Variants in ADRA1A observed in about 807,000 individuals in gnomAD.
ADRA1A encodes adrenoceptor alpha 1A.
In ADRA1A, 31 loss-of-function variants were observed where a neutral mutation model predicts 29.6. The observed-to-expected ratio is 1.05, with a 90% CI of 0.79 to 1.41. The LOEUF (loss-of-function observed/expected upper bound fraction) is 1.41. ADRA1A is among the 40% of genes most tolerant of loss of function. The probability of loss-of-function intolerance (pLI) is 0.00; values close to 1 mark genes in which losing one functional copy is unlikely to be tolerated. For missense variants in ADRA1A, 619 were observed against 601.1 expected (o/e 1.03, Z -0.31); for synonymous variants, 311 against 254.3 (o/e 1.22, Z -2.12).
rs1585858022 is a variant in ADRA1A at position 26,860,190 on chromosome 8, C to T, written c.883+3897G>A. On this transcript the variant is annotated intron_variant, in intron 2 of 2. Transcript: ENST00000380573. This position sits in a 1 kb window ranked among gnomAD's most constrained non-coding sequence, Gnocchi z 4.7. ...CTGGGAGAGCAAATCCAAGAGCGGG[C>T]TATGACTAGTCAGAGCATCCACCTC... Among the ~76,000 whole-genome samples, 4 of 152,118 alleles carry T rather than the reference C, an allele frequency of 2.6e-5. No homozygotes were observed. In the South Asian group the frequency reaches 8.3e-4, roughly 32 times the overall value.
At chr8:26,810,211 T>C (rs1350278288) in intron 2 of ADRA1A, among the ~76,000 whole-genome samples, 1 of 152,232 alleles carries the variant, frequency 6.6e-6, no homozygotes, top group Non-Finnish European at 1.5e-5. Flanking sequence ...TACAAAAGGG[T>C]CACCATTCAA....
At chr8:26,752,524 A>G (rs1338198803), downstream of ADRA1A, among the ~76,000 whole-genome samples, 1 of 152,232 alleles carries the variant, frequency 6.6e-6, no homozygotes, top group Non-Finnish European at 1.5e-5. Flanking sequence ...GCAAGCTTCA[A>G]GCTTGCTTAT....
At chr8:26,759,286 G>A (rs60508256) in intron 2 of ADRA1A, among the ~76,000 whole-genome samples, 3,737 of 152,266 alleles carry the variant, frequency 0.025, 73 homozygotes, top group Admixed American at 0.06. Context: ...AGAGGAAGAC[G>A]GGGCCAGATA....
chr8:26,765,872 C>A (rs908071265), downstream of ADRA1A: 2 of 1,408,454 alleles, frequency 1.4e-6, no homozygotes, highest in South Asian at 1.7e-5. Flanking sequence ...AAATTGCCTG[C>A]CCAAGCAAAT....
At chr8:26,759,273 A>G (rs1805373010) in intron 2 of ADRA1A, among the ~76,000 whole-genome samples, 1 of 152,230 alleles carries the variant, frequency 6.6e-6, no homozygotes, top group South Asian at 2.1e-4. Context: ...TATGGTATTC[A>G]GAAGAGGAAG....
intron 2 of ADRA1A, among the ~76,000 whole-genome samples, chr8:26,832,514 A>C (rs992138480): frequency 6.6e-6 from 1 of 152,166 alleles, no homozygotes. Context: ...GGCAGACACA[A>C]ATCAGGTTGT....
At chr8:26,757,519 C>CG (rs918667270) in intron 2 of ADRA1A, among the ~76,000 whole-genome samples, 47 of 144,190 alleles carry the variant, frequency 3.3e-4, no homozygotes, top group Admixed American at 1.4e-3. Context: ...ATTTCCCCCA[C>CG]CCCCCACCTC....
At chr8:26,850,111 T>A (rs1008713207) in intron 2 of ADRA1A, among the ~76,000 whole-genome samples, 2 of 149,272 alleles carry the variant, frequency 1.3e-5, no homozygotes, top group Non-Finnish European at 3.0e-5. Flanking sequence ...GAGGACATCA[T>A]CATTAAAGGA....
rs1384600524 is a variant in ADRA1A, at chr8:26,860,029, A to C, written c.883+4058T>G. Among the ~76,000 whole-genome samples, 1 of 152,086 alleles carries C rather than the reference A, an allele frequency of 6.6e-6. No homozygotes were observed. The highest frequency in any genetic ancestry group is 1.5e-5 in the Non-Finnish European group (1 of 68,020). ...GTGATCCGCCTGCTCAGCCTCCCAA[A>C]GTGCTGGGATTAGAGGCATGAGCCA... is the stretch of plus-strand genomic sequence containing the variant. On this transcript the variant is annotated intron_variant, in intron 2 of 2. Coordinates refer to ENST00000380573, the MANE Select transcript of ADRA1A (RefSeq NM_000680.4). The surrounding 1 kb of genome is among the most constrained non-coding windows in gnomAD (Gnocchi z 4.7).
At chr8:26,776,912 C>G (rs1806588712) in intron 2 of ADRA1A, among the ~76,000 whole-genome samples, 1 of 152,188 alleles carries the variant, frequency 6.6e-6, no homozygotes, top group African/African-American at 2.4e-5. Context: ...AGTGGTCTCT[C>G]CGATGTGCCT....
downstream of ADRA1A, among the ~76,000 whole-genome samples, chr8:26,760,888 T>A (rs946900242): frequency 2.6e-5 from 4 of 152,196 alleles, no homozygotes; most frequent in African/African-American, 4.8e-5. Context: ...ATCCTCAGGG[T>A]CATCAACTTG....
At chr8:26,807,007 A>G (rs1809045329) in intron 2 of ADRA1A, among the ~76,000 whole-genome samples, 1 of 152,218 alleles carries the variant, frequency 6.6e-6, no homozygotes, top group South Asian at 2.1e-4. Context: ...ATAAAAATAA[A>G]CATGTTCACT....
rs1412989311 is a variant in ADRA1A at position 26,847,177 on chromosome 8, A to G, written c.883+16910T>C. Reference sequence around the variant, plus strand: ...TGGCACATGTATACATATGTAACTAACCTGCACATTGTGCACATGTACCCT... The same window carrying G: ...TGGCACATGTATACATATGTAACTAGCCTGCACATTGTGCACATGTACCCT... On this transcript the variant is annotated intron_variant, in intron 2 of 2. Coordinates refer to ENST00000380573, the MANE Select transcript of ADRA1A (RefSeq NM_000680.4). 1.2e-4 allele frequency among the ~76,000 whole-genome samples: 18 copies of G among 152,228 alleles called. No individual in the cohort carries two copies. In the East Asian group the frequency reaches 3.1e-3, roughly 26 times the overall value.
chr8:26,810,909 A>C (rs567602716), intron 2 of ADRA1A, among the ~76,000 whole-genome samples: 81 of 151,342 alleles, frequency 5.4e-4, no homozygotes, highest in African/African-American at 1.7e-3. Flanking sequence ...ATTACCTGAC[A>C]AAAAAAAATC....
intron 2 of ADRA1A, among the ~76,000 whole-genome samples, chr8:26,846,972 A>G (rs1221231603): frequency 6.6e-6 from 1 of 152,204 alleles, no homozygotes; most frequent in African/African-American, 2.4e-5. Context: ...CGCAAGAACA[A>G]AAAACCAAAC....
intron 2 of ADRA1A, among the ~76,000 whole-genome samples, chr8:26,822,454 A>T (rs1196252451): frequency 1.3e-5 from 2 of 152,224 alleles, no homozygotes; most frequent in Non-Finnish European, 2.9e-5. Flanking sequence ...ATTTTAAGTC[A>T]CTTAAATTAA....
intron 2 of ADRA1A, among the ~76,000 whole-genome samples, chr8:26,824,831 T>C (rs536115428): frequency 6.6e-6 from 1 of 152,280 alleles, no homozygotes; most frequent in South Asian, 2.1e-4. Flanking sequence ...TAAACACTAA[T>C]TGCAGGAGAA....
At chr8:26,755,518 G>T (rs116164077), downstream of ADRA1A, among the ~76,000 whole-genome samples, 601 of 152,286 alleles carry the variant, frequency 3.9e-3, 5 homozygotes, top group African/African-American at 0.014. Flanking sequence ...GGAGGAGGCA[G>T]CACCCCCAGC....
chr8:26,785,899 A>G (rs928127465), intron 2 of ADRA1A, among the ~76,000 whole-genome samples: 2 of 152,174 alleles, frequency 1.3e-5, no homozygotes, highest in Non-Finnish European at 2.9e-5. Context: ...CAGAACTCCT[A>G]GTATTGCCCC....
Sources: gnomAD v4.1 joint callset for allele counts (sites outside exome capture counted in the v4.1 genomes callset) on GRCh38, gnomAD v4.1.1 for gene constraint, Gnocchi (gnomAD v3.1) non-coding constraint, MANE v1.5 for transcripts, NCBI Gene and HGNC (gene_info 2026-07-23, HGNC 2026-07-21) for gene names.